Variants in TMEM117 observed in about 807,000 individuals in gnomAD.
TMEM117 encodes transmembrane protein 117.
Under a neutral mutation model 52.4 loss-of-function variants are expected in TMEM117, and 27 were observed. That is an observed-to-expected ratio of 0.51 (90% CI 0.38 to 0.71). The LOEUF is 0.71. Among genes scored for constraint, TMEM117 ranks in the 30% least tolerant of loss-of-function variants. The probability of loss-of-function intolerance (pLI) is 0.00; values close to 1 mark genes in which losing one functional copy is unlikely to be tolerated. For synonymous variants in TMEM117, 215 were observed against 206.3 expected, an observed-to-expected ratio of 1.04 and a Z score of -0.36; for missense variants, 556 against 630.5, an observed-to-expected ratio of 0.88 and a Z score of 1.26.
intron 5 of TMEM117, among the ~76,000 whole-genome samples, chr12:44,241,063 A>G (rs908158178): frequency 6.6e-6 from 1 of 152,046 alleles, no homozygotes; most frequent in Non-Finnish European, 1.5e-5. Context: ...TCCCTTGTAT[A>G]AAATGCCCTA....
intron 5 of TMEM117, among the ~76,000 whole-genome samples, chr12:44,247,728 C>G (rs948809814): frequency 5.9e-5 from 9 of 152,314 alleles, no homozygotes; most frequent in African/African-American, 2.2e-4. Flanking sequence ...TCACCTATGC[C>G]CCAACCCCAT....
intron 7 of TMEM117, among the ~76,000 whole-genome samples, chr12:44,386,586 G>A (rs1005629992): frequency 1.3e-5 from 2 of 152,024 alleles, no homozygotes; most frequent in South Asian, 4.1e-4. Flanking sequence ...TCATGGTTTA[G>A]GCAAGGCTTT....
At chr12:44,374,540 CT>C (rs1179496155) in intron 6 of TMEM117, among the ~76,000 whole-genome samples, 1 of 152,026 alleles carries the variant, frequency 6.6e-6, no homozygotes, top group African/African-American at 2.4e-5. Flanking sequence ...GTTCTTCCCC[CT>C]CTTTCCTTTA....
chr12:44,336,919 A>G (rs1951349279), intron 6 of TMEM117, among the ~76,000 whole-genome samples: 1 of 152,050 alleles, frequency 6.6e-6, no homozygotes, highest in South Asian at 2.1e-4. Context: ...AGTAATAATA[A>G]TAATTGATGC....
intron 7 of TMEM117, among the ~76,000 whole-genome samples, chr12:44,376,929 T>A (rs2138851520): frequency 6.6e-6 from 1 of 152,268 alleles, no homozygotes; most frequent in Middle Eastern, 3.4e-3. Context: ...GCTTTGACAA[T>A]TTCAGTGTTA....
the TMEM117 span, chr12:43,802,514 G>C: frequency 1.5e-6 from 2 of 1,342,782 alleles, no homozygotes; most frequent in Non-Finnish European, 2.1e-6. Flanking sequence ...GAGATATCAA[G>C]TGGTAGTGTG....
intron 2 of TMEM117, among the ~76,000 whole-genome samples, chr12:43,886,645 C>T (rs1483805604): frequency 6.6e-6 from 1 of 151,914 alleles, no homozygotes; most frequent in Non-Finnish European, 1.5e-5. Context: ...CTTTTAAGTT[C>T]AGGGGTACAT....
At chr12:44,099,995 G>A (rs11610994) in intron 3 of TMEM117, among the ~76,000 whole-genome samples, 4,496 of 151,898 alleles carry the variant, frequency 0.03, 102 homozygotes, top group Admixed American at 0.039. Context: ...CTAAAAAAAA[G>A]CCTTTGGGGG....
intron 4 of TMEM117, among the ~76,000 whole-genome samples, chr12:44,200,567 C>A (rs1949482015): frequency 6.6e-6 from 1 of 152,104 alleles, no homozygotes; most frequent in African/African-American, 2.4e-5. Context: ...TCTTAGAAAT[C>A]GCTTTAAATA....
At chr12:43,840,686 C>T (rs1347809486) in intron 1 of TMEM117, among the ~76,000 whole-genome samples, 1 of 152,200 alleles carries the variant, frequency 6.6e-6, no homozygotes, top group Non-Finnish European at 1.5e-5. Context: ...AGCCACTTCT[C>T]TGAGGAGCTT....
the TMEM117 span, among the ~76,000 whole-genome samples, chr12:43,803,019 T>G: frequency 6.6e-6 from 1 of 152,156 alleles, no homozygotes; most frequent in Non-Finnish European, 1.5e-5. Flanking sequence ...CTACTATGCA[T>G]ACAGAATCTC....
chr12:44,173,074 T>TTGTTTTG (rs1196734875), intron 4 of TMEM117, among the ~76,000 whole-genome samples: 1 of 152,026 alleles, frequency 6.6e-6, no homozygotes, highest in East Asian at 1.9e-4. Flanking sequence ...TAGCTTGTTT[T>TTGTTTTG]TGTTTTGTTT....
intron 3 of TMEM117, among the ~76,000 whole-genome samples, chr12:44,127,860 A>G (rs1209399281): frequency 6.6e-6 from 1 of 152,202 alleles, no homozygotes; most frequent in Admixed American, 6.5e-5. Flanking sequence ...CCACAGTTGC[A>G]TAAGCCAGTT....
At chr12:43,852,396 A>C (rs1943325811) in intron 2 of TMEM117, among the ~76,000 whole-genome samples, 1 of 151,786 alleles carries the variant, frequency 6.6e-6, no homozygotes, top group Admixed American at 6.6e-5. Context: ...ACGCCACTGC[A>C]CTCCAACCTG....
chr12:43,859,295 G>A (rs1220215355), intron 2 of TMEM117, among the ~76,000 whole-genome samples: 1 of 152,192 alleles, frequency 6.6e-6, no homozygotes, highest in African/African-American at 2.4e-5. Context: ...GGGCAAAATG[G>A]TTGCAGTGTA....
intron 3 of TMEM117, among the ~76,000 whole-genome samples, chr12:44,047,915 CTT>C (rs1946905280): frequency 6.6e-6 from 1 of 152,142 alleles, no homozygotes; most frequent in African/African-American, 2.4e-5. Context: ...AAAGTTCCCT[CTT>C]TATCTGTTCA....
intron 3 of TMEM117, among the ~76,000 whole-genome samples, chr12:44,047,040 T>C (rs538043897): frequency 6.6e-5 from 10 of 152,250 alleles, no homozygotes; most frequent in African/African-American, 2.2e-4. Flanking sequence ...ATCAACTTGA[T>C]TGGATTGAGG....
chr12:44,181,948 A>G (rs1450503336), intron 4 of TMEM117, among the ~76,000 whole-genome samples: 2 of 152,000 alleles, frequency 1.3e-5, no homozygotes, highest in Non-Finnish European at 2.9e-5. Flanking sequence ...CTTGGGCAGT[A>G]TGGCCATTTT....
At chr12:44,205,553 T>G (rs1037567790) in intron 4 of TMEM117, among the ~76,000 whole-genome samples, 5 of 151,770 alleles carry the variant, frequency 3.3e-5, no homozygotes, top group African/African-American at 1.2e-4. Flanking sequence ...CTTAAATAAA[T>G]CAACAAGCAA....
Sources: allele counts gnomAD v4.1 joint callset (sites outside exome capture counted in the v4.1 genomes callset), GRCh38; gene constraint gnomAD v4.1.1; transcripts MANE v1.5; gene names NCBI Gene and HGNC (gene_info 2026-07-23, HGNC 2026-07-21).